Variants in CAMSAP1 observed in about 807,000 individuals in gnomAD.
The protein encoded by CAMSAP1 is calmodulin regulated spectrin associated protein 1, also known as calmodulin-regulated spectrin-associated protein 1.
In CAMSAP1, 58 loss-of-function variants were observed where a neutral mutation model predicts 143.5. That is an observed-to-expected ratio of 0.40 (90% confidence interval 0.33 to 0.50). CAMSAP1 has a LOEUF of 0.50. Ranked by LOEUF, CAMSAP1 falls within the 20% of genes least tolerant of loss-of-function variation. The probability of loss-of-function intolerance (pLI) is 0.45; values close to 1 mark genes in which losing one functional copy is unlikely to be tolerated. For synonymous variants in CAMSAP1, 945 were observed against 859.3 expected (o/e 1.10, Z -1.74); for missense variants, 1,969 against 2,115.7 (o/e 0.93, Z 1.36).
intron 3 of CAMSAP1, among the ~76,000 whole-genome samples, chr9:135,873,067 G>C (rs1837620852): frequency 6.6e-6 from 1 of 152,196 alleles, no homozygotes; most frequent in Non-Finnish European, 1.5e-5. Flanking sequence ...CATTCTGCAA[G>C]GTAAGGCATG....
intron 7 of CAMSAP1, among the ~76,000 whole-genome samples, chr9:135,833,078 CTTTT>C (rs56081448): frequency 6.2e-5 from 6 of 96,516 alleles, no homozygotes; most frequent in Non-Finnish European, 4.1e-5. Context: ...CCACAGTAAT[CTTTT>C]TTTTTTTTTT....
intron 5 of CAMSAP1, among the ~76,000 whole-genome samples, chr9:135,860,956 C>T (rs760169883): frequency 3.4e-4 from 51 of 152,220 alleles, no homozygotes; most frequent in Non-Finnish European, 5.9e-5. Context: ...ACTTGTTGCA[C>T]TAACATTCAA....
Position 135,860,382 on chromosome 9 carries a change from G to C in CAMSAP1, c.808+2085C>G, listed in dbSNP as rs780474855. ...GGAGGCCAAGGCAGGTGGATCACCT[G>C]AGGTCAGGAGTTCCAGACCGGCCTG... On this transcript the variant is annotated intron_variant, in intron 5 of 16. Coordinates refer to ENST00000389532, the MANE Select transcript of CAMSAP1 (RefSeq NM_015447.4). Among the ~76,000 whole-genome samples the C allele has an allele frequency of 1.8e-4, 27 of 152,258 alleles. 1 individual carries two copies. The highest frequency in any genetic ancestry group is 6.8e-3 in the Middle Eastern group (2 of 294).
chr9:135,907,050 G>A lies in CAMSAP1; in HGVS notation c.110C>T (p.Ala37Val). 3 of 1,207,520 alleles carry A rather than the reference G, an allele frequency of 2.5e-6. No individual in the cohort carries two copies. Among genetic ancestry groups the A allele is most frequent in the Non-Finnish European group, 3.1e-6 (3 of 959,924 alleles). 74.8% of individuals were successfully genotyped at this position (1,207,520 alleles called of 1,614,324 possible). ...VPLDRYDAAR[A>V]KIAANLQWIC... ...CCACTGCAGGTTGGCGGCGATCTTG[G>A]CGCGCGCCGCGTCGTAGCGGTCCAG... is the stretch of plus-strand genomic sequence containing the variant. The change falls in exon 1 of 17, where the codon GCC (alanine) becomes GTC (valine). Residue 37 changes from alanine to valine, a missense_variant. Physicochemically the swap from Ala to Val is moderately conservative, Grantham distance 64. This residue lies in a region of CAMSAP1 where 215 missense variants were observed against 196.2 expected (regional missense o/e 1.10). Transcript: ENST00000389532.
intron 1 of CAMSAP1, among the ~76,000 whole-genome samples, chr9:135,905,607 G>A (rs916028919): frequency 6.6e-6 from 1 of 152,216 alleles, no homozygotes; most frequent in Non-Finnish European, 1.5e-5. Flanking sequence ...GAAAAGTGAA[G>A]ATGAAGTCAA....
chr9:135,898,160 G>C (rs1838513075), intron 1 of CAMSAP1, among the ~76,000 whole-genome samples: 1 of 152,152 alleles, frequency 6.6e-6, no homozygotes, highest in African/African-American at 2.4e-5. Flanking sequence ...GAAGGAGACA[G>C]GTGTGGCTAG....
In CAMSAP1 at chr9:135,907,171, G is replaced by A. The variant is rs1406335205; in HGVS notation, c.-12C>T. On this transcript the variant is annotated 5_prime_UTR_variant, in exon 1 of 17. Coordinates refer to ENST00000389532, the MANE Select transcript of CAMSAP1 (RefSeq NM_015447.4). Reference sequence around the variant, plus strand: ...CTCGCGTCCACCATCTGCAGACAAAGGGCTGAGGCGGCGGCCCGGCCGCAA... The same window carrying A: ...CTCGCGTCCACCATCTGCAGACAAAAGGCTGAGGCGGCGGCCCGGCCGCAA... 3.7e-6 allele frequency: 4 copies of A among 1,082,678 alleles called. No individual in the cohort carries two copies. The highest frequency in any genetic ancestry group is 1.7e-5 in the African/African-American group (1 of 58,970). The allele number at this position is 1,082,678 out of a possible 1,614,324, so 67.1% of individuals were successfully genotyped here. A position where few individuals can be genotyped will look rare whatever the true frequency, so the allele number is the denominator to read the frequency against.
Position 135,818,364 on chromosome 9 carries a change from C to A in CAMSAP1, c.4168+44G>T. On this transcript the variant is annotated intron_variant, in intron 13 of 16. Transcript: ENST00000389532. The surrounding 1 kb of genome is among the most constrained non-coding windows in gnomAD (Gnocchi z 7.7). ...GAGCTGAAGAACGTGAGGCCGCCGC[C>A]CGCGGAAGGAAGCGCTGCCCGCGTG... The A allele has an allele frequency of 6.6e-7, 1 of 1,514,864 alleles. No homozygotes were observed. The highest frequency in any genetic ancestry group is 1.2e-5 in the South Asian group (1 of 82,406). 93.8% of individuals were successfully genotyped at this position (1,514,864 alleles called of 1,614,324 possible). A position where few individuals can be genotyped will look rare whatever the true frequency, so the allele number is the denominator to read the frequency against.
rs1005248337 is a variant in CAMSAP1, at chr9:135,811,779, G to C, written c.4507-168C>G. Among the ~76,000 whole-genome samples the C allele has an allele frequency of 2.0e-5, 3 of 152,234 alleles. No homozygotes were observed. Among genetic ancestry groups the C allele is most frequent in the African/African-American group, 4.8e-5 (2 of 41,464 alleles). On this transcript the variant is annotated intron_variant, in intron 16 of 16. Transcript: ENST00000389532. This position sits in a 1 kb window ranked among gnomAD's most constrained non-coding sequence, Gnocchi z 4.9. ...AATTACAGCAGACCCCTGTACGGGA[G>C]CATTATATGCCATTGAGACTTTACT...
rs1835396442 is a variant in CAMSAP1 at position 135,820,261 on chromosome 9, G to A, written c.3822+578C>T. Among the ~76,000 whole-genome samples the A allele has an allele frequency of 6.6e-6, 1 of 152,124 alleles. No homozygotes were observed. The highest frequency in any genetic ancestry group is 1.5e-5 in the Non-Finnish European group (1 of 67,980). On this transcript the variant is annotated intron_variant, in intron 11 of 16. Coordinates refer to ENST00000389532, the MANE Select transcript of CAMSAP1 (RefSeq NM_015447.4). This position sits in a 1 kb window ranked among gnomAD's most constrained non-coding sequence, Gnocchi z 4.4. ...AAAACATGGTCTTATCATCTTAGGA[G>A]ACGACGATATATGGTCTTATCATCT...
intron 1 of CAMSAP1, 113 bp from the exon 2 acceptor site, chr9:135,883,191 G>A (rs1310569460): frequency 1.7e-6 from 2 of 1,150,626 alleles, no homozygotes. Flanking sequence ...GGGCAACACA[G>A]GGAGACCAAG....
rs1449468780 is a variant in CAMSAP1 at position 135,818,100 on chromosome 9, C to T, written c.4169-21G>A. Reference sequence around the variant, plus strand: ...ATCAGCTGCCAGAGACAGAAACAGACGACGGTTCATGAACGGATTCCGACA... The same window carrying T: ...ATCAGCTGCCAGAGACAGAAACAGATGACGGTTCATGAACGGATTCCGACA... On this transcript the variant is annotated intron_variant, in intron 13 of 16. Coordinates refer to ENST00000389532, the MANE Select transcript of CAMSAP1 (RefSeq NM_015447.4). This position sits in a 1 kb window ranked among gnomAD's most constrained non-coding sequence, Gnocchi z 7.7. The T allele has an allele frequency of 6.2e-7, 1 of 1,610,926 alleles. No individual in the cohort carries two copies. Among genetic ancestry groups the T allele is most frequent in the Non-Finnish European group, 8.5e-7 (1 of 1,177,672 alleles).
chr9:135,840,205 T>C (rs1021717655), intron 7 of CAMSAP1, among the ~76,000 whole-genome samples: 43 of 152,246 alleles, frequency 2.8e-4, no homozygotes, highest in African/African-American at 9.1e-4. Context: ...TACCCAACGG[T>C]TGGCAGTAGG....
intron 1 of CAMSAP1, among the ~76,000 whole-genome samples, chr9:135,896,809 T>TG (rs1838470569): frequency 6.6e-6 from 1 of 152,178 alleles, no homozygotes; most frequent in African/African-American, 2.4e-5. Context: ...TAATCCCCAA[T>TG]GTGGCAGTGG....
chr9:135,851,478 T>A (rs1836781605), intron 5 of CAMSAP1, among the ~76,000 whole-genome samples: 1 of 152,178 alleles, frequency 6.6e-6, no homozygotes, highest in Non-Finnish European at 1.5e-5. Context: ...GACCATCAAA[T>A]GTTAACGTCT....
intron 1 of CAMSAP1, among the ~76,000 whole-genome samples, chr9:135,897,160 C>T (rs1355425044): frequency 1.3e-5 from 2 of 152,028 alleles, no homozygotes; most frequent in African/African-American, 4.8e-5. Flanking sequence ...TTCCTACACA[C>T]GAAAGTTTTT....
At chr9:135,902,555 C>T (rs905315535) in intron 1 of CAMSAP1, among the ~76,000 whole-genome samples, 10 of 152,166 alleles carry the variant, frequency 6.6e-5, no homozygotes, top group Admixed American at 5.2e-4. Context: ...AACAATATGG[C>T]GACCCTCTGG....
chr9:135,880,393 C>T (rs950355378), intron 3 of CAMSAP1, among the ~76,000 whole-genome samples: 1 of 152,134 alleles, frequency 6.6e-6, no homozygotes, highest in Admixed American at 6.5e-5. Context: ...ACACCCAAAT[C>T]TGAACTAGGG....
In CAMSAP1 at chr9:135,855,879, T is replaced by C. The variant is rs7018959; in HGVS notation, c.809-5418A>G. On this transcript the variant is annotated intron_variant, in intron 5 of 16. Coordinates refer to ENST00000389532, the MANE Select transcript of CAMSAP1 (RefSeq NM_015447.4). ...CATCCTGGCTAACACGGTGAAACCC[T>C]GTCTCTACTAAAAATACAAAAAATT... Among the ~76,000 whole-genome samples, 845 of 151,164 alleles carry C rather than the reference T, an allele frequency of 5.6e-3. 6 individuals are homozygous for C. Among genetic ancestry groups the C allele is most frequent in the African/African-American group, 0.014 (561 of 41,130 alleles).
Sources: gnomAD v4.1 joint callset for allele counts (sites outside exome capture counted in the v4.1 genomes callset) on GRCh38, gnomAD v4.1.1 for gene constraint, gnomAD v4.1.1 regional missense constraint, Gnocchi (gnomAD v3.1) non-coding constraint, MANE v1.5 for transcripts, NCBI Gene and HGNC (gene_info 2026-07-23, HGNC 2026-07-21) for gene names.